The following OGDH variants were observed in gnomAD, a reference collection of about 807,000 sequenced individuals.
The protein encoded by OGDH is oxoglutarate dehydrogenase.
In OGDH, 38 loss-of-function variants were observed where a neutral mutation model predicts 116.6. The observed-to-expected ratio is 0.33, with a 90% CI of 0.25 to 0.43. OGDH has a LOEUF of 0.43. Among genes scored for constraint, OGDH ranks in the 20% least tolerant of loss-of-function variants. The pLI, the probability that OGDH is intolerant of heterozygous loss-of-function variation, is 1.00. For synonymous variants in OGDH, 488 were observed against 533.3 expected (o/e 0.92, Z 1.17); for missense variants, 825 against 1,357.2 (o/e 0.61, Z 6.16).
intron 5 of OGDH, among the ~76,000 whole-genome samples, chr7:44,673,293 C>G (rs115322749): frequency 6.6e-6 from 1 of 152,076 alleles, no homozygotes. Context: ...ACTCCCGCCT[C>G]GATGACAGAG....
intron 10 of OGDH, among the ~76,000 whole-genome samples, chr7:44,682,880 G>C (rs1562670390): frequency 1.3e-5 from 2 of 151,682 alleles, no homozygotes; most frequent in Non-Finnish European, 2.9e-5. Context: ...TGGGCGTGGT[G>C]GCTCACACCT....
rs1056226105 is a variant in OGDH at position 44,624,577 on chromosome 7, AG to A, written c.222+15del. On this transcript the variant is annotated intron_variant, in intron 2 of 22. Coordinates refer to ENST00000222673, the MANE Select transcript of OGDH (RefSeq NM_002541.4). ...AAAGTGTACATAAGGTAAGGCTCGCAGGGCTGTGGGTCTGCCTCATGTTGGT... is the reference window on the plus strand; with the variant it reads ...AAAGTGTACATAAGGTAAGGCTCGCAGGCTGTGGGTCTGCCTCATGTTGGT... The A allele has an allele frequency of 1.2e-6, 2 of 1,609,830 alleles. No homozygotes were observed. Among genetic ancestry groups the A allele is most frequent in the Non-Finnish European group, 1.7e-6 (2 of 1,177,524 alleles).
At chr7:44,627,573 G>C (rs915366693) in intron 2 of OGDH, among the ~76,000 whole-genome samples, 1 of 152,086 alleles carries the variant, frequency 6.6e-6, no homozygotes, top group African/African-American at 2.4e-5. Context: ...GAGAGCTTAT[G>C]GGGGGCTGCA....
intron 2 of OGDH, among the ~76,000 whole-genome samples, chr7:44,627,528 A>G (rs1461478339): frequency 4.6e-5 from 7 of 152,320 alleles, no homozygotes; most frequent in Non-Finnish European, 8.8e-5. Context: ...TAAACATCAG[A>G]AATGTCCTGA....
At chr7:44,705,809 T>C (rs1361726541) in intron 20 of OGDH, among the ~76,000 whole-genome samples, 2 of 152,344 alleles carry the variant, frequency 1.3e-5, no homozygotes, top group East Asian at 3.9e-4. Flanking sequence ...GTGCATATGA[T>C]GCGTAGTGCT....
At chr7:44,681,339 G>A (rs146002289) in intron 9 of OGDH, among the ~76,000 whole-genome samples, 344 of 152,328 alleles carry the variant, frequency 2.3e-3, no homozygotes, top group Non-Finnish European at 4.4e-3. Flanking sequence ...GCTGCTCCTG[G>A]TTGGAGGAGC....
intron 5 of OGDH, among the ~76,000 whole-genome samples, chr7:44,669,655 G>A (rs1212852439): frequency 3.3e-5 from 5 of 152,090 alleles, no homozygotes; most frequent in African/African-American, 9.7e-5. Context: ...GAAGGGGGTG[G>A]AGGGCCTGAA....
In OGDH at chr7:44,674,426, ACAGCG is replaced by A; in HGVS notation, c.805_809del (p.Gln269GlufsTer5). ...CCCTGTCCAGGTTTGAGGAGTTCCT[ACAGCG>A]GAAGTGGTCCTCTGAGAAGCGCTTT... On this transcript the variant is annotated frameshift_variant, in exon 7 of 23. Transcript: ENST00000222673. LOFTEE classifies it high-confidence loss of function. The A allele has an allele frequency of 6.2e-7, 1 of 1,614,072 alleles. No homozygotes were observed. The highest frequency in any genetic ancestry group is 8.5e-7 in the Non-Finnish European group (1 of 1,179,998).
chr7:44,666,736 G>C lies in OGDH; in HGVS notation c.518G>C (p.Gly173Ala). The C allele has an allele frequency of 6.2e-7, 1 of 1,600,596 alleles. No homozygotes were observed. Among genetic ancestry groups the C allele is most frequent in the East Asian group, 2.3e-5 (1 of 44,020 alleles). The change falls in exon 5 of 23, where the codon GGG becomes GCG. Residue 173 changes from glycine (G) to alanine (A), a missense_variant and splice_region_variant. Gly to Ala is a moderately conservative substitution (Grantham distance 60). Transcript: ENST00000222673. ...ADIISSTDKL[G>A]FYGLDESDLD... ...TTGTCCTGCCCACATCGCCCTGCAG[G>C]GTTCTATGGCCTGGATGAGTCTGAC...
chr7:44,647,374 T>C, intron 3 of OGDH: 1 of 1,028,646 alleles, frequency 9.7e-7, no homozygotes, highest in Non-Finnish European at 1.4e-6. Context: ...TTGCATAACC[T>C]GTGACTCTTT....
intron 20 of OGDH, among the ~76,000 whole-genome samples, chr7:44,705,046 A>ATTTTTTTTTTTTTT (rs1585406047): frequency 6.8e-5 from 6 of 87,678 alleles, no homozygotes; most frequent in African/African-American, 3.6e-4. Context: ...AAAGTTTTTA[A>ATTTTTTTTTTTTTT]TTTTCTTTTT....
chr7:44,617,315 G>T (rs532251193), intron 1 of OGDH, among the ~76,000 whole-genome samples: 1 of 152,142 alleles, frequency 6.6e-6, no homozygotes, highest in South Asian at 2.1e-4. Context: ...ATTATGAGGG[G>T]GTTAGGAGTA....
chr7:44,619,717 A>G (rs1173018350), intron 1 of OGDH, among the ~76,000 whole-genome samples: 2 of 152,076 alleles, frequency 1.3e-5, no homozygotes, highest in African/African-American at 4.8e-5. Flanking sequence ...TAATGCTGCT[A>G]TGAGCATTTG....
chr7:44,704,233 T>C (rs1179967206), intron 20 of OGDH, among the ~76,000 whole-genome samples: 1 of 152,218 alleles, frequency 6.6e-6, no homozygotes, highest in Non-Finnish European at 1.5e-5. Context: ...GGTTTTTTCA[T>C]AGTAGCCATC....
chr7:44,684,372 G>A (rs773458864), intron 10 of OGDH, among the ~76,000 whole-genome samples: 27 of 151,898 alleles, frequency 1.8e-4, no homozygotes, highest in Admixed American at 2.0e-4. Context: ...TAGAGAGAGG[G>A]AAAAATTTAA....
chr7:44,707,836 T>G lies in OGDH; in HGVS notation c.2952-43T>G, dbSNP rs1789153329. 1 of 1,608,590 alleles carries G rather than the reference T, an allele frequency of 6.2e-7. No homozygotes were observed. Among genetic ancestry groups the G allele is most frequent in the Non-Finnish European group, 8.5e-7 (1 of 1,177,144 alleles). On this transcript the variant is annotated intron_variant, in intron 22 of 22. Coordinates refer to ENST00000222673, the MANE Select transcript of OGDH (RefSeq NM_002541.4). This position sits in a 1 kb window ranked among gnomAD's most constrained non-coding sequence, Gnocchi z 5.2. ...CAGCAGAGGGATGGGCTGGGCCAAC[T>G]CAGTGTCCCCTGCCCTCACTGCCCC...
chr7:44,669,540 G>A (rs1325579125), intron 5 of OGDH, among the ~76,000 whole-genome samples: 4 of 151,954 alleles, frequency 2.6e-5, no homozygotes, highest in African/African-American at 4.8e-5. Flanking sequence ...CACCTCTCAG[G>A]GGCCTGTTCA....
At chr7:44,614,612 G>A (rs1379654409) in intron 1 of OGDH, among the ~76,000 whole-genome samples, 1 of 151,810 alleles carries the variant, frequency 6.6e-6, no homozygotes, top group African/African-American at 2.4e-5. Flanking sequence ...CTTTTGCTTA[G>A]TGCATTTTTC....
rs957051291 is a variant in OGDH at position 44,708,699 on chromosome 7, T to C, written c.*700T>C. The C allele has an allele frequency of 1.3e-5, 2 of 152,264 alleles. No homozygotes were observed. Among genetic ancestry groups the C allele is most frequent in the Admixed American group, 6.5e-5 (1 of 15,282 alleles). The allele number at this position is 152,264 out of a possible 1,614,324, so 9.4% of individuals were successfully genotyped here. A position where few individuals can be genotyped will look rare whatever the true frequency, so the allele number is the denominator to read the frequency against. On this transcript the variant is annotated 3_prime_UTR_variant, in exon 23 of 23. Transcript: ENST00000222673. ...GCACCTGGAGCCCACAGAGTCTGTGTGTAGCCAGGAAGCCCCGCTCAGGTA... is the reference window on the plus strand; with the variant it reads ...GCACCTGGAGCCCACAGAGTCTGTGCGTAGCCAGGAAGCCCCGCTCAGGTA...
Sources: allele counts gnomAD v4.1 joint callset (sites outside exome capture counted in the v4.1 genomes callset), GRCh38; gene constraint gnomAD v4.1.1; non-coding constraint Gnocchi (gnomAD v3.1); transcripts MANE v1.5; gene names NCBI Gene and HGNC (gene_info 2026-07-23, HGNC 2026-07-21).